Variants in HEPACAM observed in about 807,000 individuals in gnomAD.
HEPACAM encodes hepatocyte cell adhesion molecule.
In HEPACAM, 18 loss-of-function variants were observed where a neutral mutation model predicts 38.3. That is an observed-to-expected ratio of 0.47 (90% confidence interval 0.33 to 0.70). The LOEUF (loss-of-function observed/expected upper bound fraction) is 0.70. Ranked by LOEUF, HEPACAM falls within the 30% of genes least tolerant of loss-of-function variation. HEPACAM has a pLI of 0.03. For synonymous variants in HEPACAM, 216 were observed against 243.1 expected (o/e 0.89, Z 1.04); for missense variants, 466 against 563.0 (o/e 0.83, Z 1.74).
intron 1 of HEPACAM, among the ~76,000 whole-genome samples, chr11:124,925,365 T>G (rs1322995039): frequency 6.6e-6 from 1 of 152,236 alleles, no homozygotes; most frequent in Non-Finnish European, 1.5e-5. Context: ...CCACACCCTA[T>G]GCGCTCCATT....
chr11:124,919,724 G>C lies in HEPACAM; in HGVS notation c.*1414C>G. The C allele has an allele frequency of 6.2e-7, 1 of 1,610,226 alleles. No homozygotes were observed. On this transcript the variant is annotated 3_prime_UTR_variant, in exon 7 of 7. Coordinates refer to ENST00000298251, the MANE Select transcript of HEPACAM (RefSeq NM_152722.5). Reference sequence around the variant, plus strand: ...GAAATGTCAGTGCCTTTGGGGCTGAGACAAAACTTGACCTGGTGTGGAGGT... The same window carrying C: ...GAAATGTCAGTGCCTTTGGGGCTGACACAAAACTTGACCTGGTGTGGAGGT...
rs1487412086 is a variant in HEPACAM at position 124,927,182 on chromosome 11, A to G, written c.86-2113T>C. 1.6e-4 allele frequency among the ~76,000 whole-genome samples: 25 copies of G among 151,938 alleles called. 1 individual carries two copies. The South Asian group carries it at 4.0e-3, about 24-fold the overall frequency. On this transcript the variant is annotated intron_variant, in intron 1 of 6. Transcript: ENST00000298251. ...ACTGCGTGGTTACTAAACATATTAGATCCATTTTTGGAAAAAGTGCTTTGC... is the reference window on the plus strand; with the variant it reads ...ACTGCGTGGTTACTAAACATATTAGGTCCATTTTTGGAAAAAGTGCTTTGC...
rs1947172292 is a variant in HEPACAM, at chr11:124,923,857, A to C, written c.581T>G (p.Leu194Arg). The C allele has an allele frequency of 6.2e-7, 1 of 1,614,102 alleles. No individual in the cohort carries two copies. Among genetic ancestry groups the C allele is most frequent in the Non-Finnish European group, 8.5e-7 (1 of 1,180,032 alleles). Residue 194 changes from leucine (L) to arginine (R), a missense_variant, in exon 3 of 7, where the codon CTC (leucine) becomes CGC (arginine). By Grantham distance (102) the Leu-to-Arg change is moderately radical. Transcript: ENST00000298251. ...GAGCACCTTTTGGTCGGGGGACAGG[A>C]GCATTCTCGAGTCATTGAGGAGGGG... ...GKPLLNDSRM[L>R]LSPDQKVLTI...
intron 1 of HEPACAM, among the ~76,000 whole-genome samples, chr11:124,928,201 C>A (rs868774802): frequency 6.6e-6 from 1 of 152,180 alleles, no homozygotes; most frequent in Non-Finnish European, 1.5e-5. Context: ...ACTGGCTCTG[C>A]GCATCAGACT....
At position 124,924,988 on chromosome 11, in the gene HEPACAM, T is replaced by A. The variant is rs1199437129; in HGVS notation, c.167A>T (p.Gln56Leu). ...TVGKSALLSV[Q>L]YSSTSSDRPV... is the part of the protein sequence containing the mutation. ...CCTGTCGCTGCTGGTACTGCTGTAC[T>A]GCACAGAAAGCAGAGCCGACTTCCC... Residue 56 changes from glutamine (Q) to leucine (L), a missense_variant, in exon 2 of 7, where the codon CAG becomes CTG. Gln to Leu is a moderately radical substitution (Grantham distance 113). Transcript: ENST00000298251. This position sits in a 1 kb window ranked among gnomAD's most constrained non-coding sequence, Gnocchi z 4.4. The A allele has an allele frequency of 6.2e-7, 1 of 1,610,704 alleles. No individual in the cohort carries two copies. Among genetic ancestry groups the A allele is most frequent in the African/African-American group, 1.3e-5 (1 of 74,858 alleles).
chr11:124,935,819 C>A (rs144195196), intron 1 of HEPACAM, 103 bp downstream of exon 1: 85 of 909,978 alleles, frequency 9.3e-5, no homozygotes, highest in African/African-American at 5.1e-4. Flanking sequence ...AACTCTCCCC[C>A]ACTCCTGCCC....
In HEPACAM at chr11:124,921,807, G is replaced by C. The variant is rs1947142711; in HGVS notation, c.949-367C>G. On this transcript the variant is annotated intron_variant, in intron 6 of 6. Transcript: ENST00000298251. This position sits in a 1 kb window ranked among gnomAD's most constrained non-coding sequence, Gnocchi z 4.6. ...ACCTAGATCTGCCACTCATTGACTT[G>C]TTTAATCCTGAGCAAGTCATTTAAT... 6.6e-6 allele frequency among the ~76,000 whole-genome samples: 1 copy of C among 152,182 alleles called. No homozygotes were observed. The highest frequency in any genetic ancestry group is 6.5e-5 in the Admixed American group (1 of 15,286).
intron 4 of HEPACAM, 57 bp downstream of exon 4, chr11:124,923,283 G>A: frequency 9.0e-7 from 1 of 1,116,638 alleles, no homozygotes. Flanking sequence ...AGAAAATAAT[G>A]GGGCTTAGGT....
rs369377373 is a variant in HEPACAM at position 124,922,425 on chromosome 11, C to T, written c.911G>A (p.Arg304Gln). The T allele has an allele frequency of 1.2e-5, 19 of 1,614,036 alleles. No homozygotes were observed. The highest frequency in any genetic ancestry group is 3.3e-5 in the South Asian group (3 of 91,086). ...DTLPRSGEQERKNPMALYILK... is the reference protein window; with the variant it reads ...DTLPRSGEQEQKNPMALYILK... ...GATATAGAGTGCCATGGGGTTCTTC[C>T]GTTCCTGCTCACCACTTCGAGGGAG... Residue 304 changes from arginine to glutamine, a missense_variant, in exon 6 of 7, where the codon CGG becomes CAG. Arg to Gln is a conservative substitution (Grantham distance 43). Transcript: ENST00000298251.
At position 124,920,505 on chromosome 11, in the gene HEPACAM, C is replaced by A; in HGVS notation, c.*633G>T. On this transcript the variant is annotated 3_prime_UTR_variant, in exon 7 of 7. Coordinates refer to ENST00000298251, the MANE Select transcript of HEPACAM (RefSeq NM_152722.5). ...GAGGGAAAAGGAATGTACTCGTACC[C>A]TTCCCTCACCACCTTGTAGGTCCCC... 6.8e-7 allele frequency: 1 copy of A among 1,481,480 alleles called. No homozygotes were observed. The highest frequency in any genetic ancestry group is 9.0e-7 in the Non-Finnish European group (1 of 1,105,254). 91.8% of individuals were successfully genotyped at this position (1,481,480 alleles called of 1,614,324 possible).
Position 124,924,067 on chromosome 11 carries a change from C to T in HEPACAM, c.428-57G>A. On this transcript the variant is annotated intron_variant, in intron 2 of 6. Transcript: ENST00000298251. This position sits in a 1 kb window ranked among gnomAD's most constrained non-coding sequence, Gnocchi z 4.4. ...CATTGGCTAAGAAGTGTCTCCCTTCCCCTTTTTAGCTCCCTGCCTTCCAAC... is the reference window on the plus strand; with the variant it reads ...CATTGGCTAAGAAGTGTCTCCCTTCTCCTTTTTAGCTCCCTGCCTTCCAAC... 1 of 1,516,552 alleles carries T rather than the reference C, an allele frequency of 6.6e-7. No individual in the cohort carries two copies. Among genetic ancestry groups the T allele is most frequent in the South Asian group, 1.2e-5 (1 of 84,232 alleles). The allele number at this position is 1,516,552 out of a possible 1,614,324, so 93.9% of individuals were successfully genotyped here.
At position 124,925,038 on chromosome 11, in the gene HEPACAM, G is replaced by A. The variant is rs202021854; in HGVS notation, c.117C>T (p.Pro39=). 1.2e-4 allele frequency: 197 copies of A among 1,600,760 alleles called. 1 individual carries two copies. Among genetic ancestry groups the A allele is most frequent in the Admixed American group, 1.1e-3 (67 of 59,576 alleles). ...DPLEGVNITS[P]VRLIHGTVGK... is the part of the protein sequence containing the mutation. ...CCACGGTGCCATGGATCAGGCGCAC[G>A]GGGCTGGTGATGTTCACCCCCTCCA... is the stretch of plus-strand genomic sequence containing the variant. Residue 39 remains proline (P), a synonymous_variant, in exon 2 of 7, where the codon CCC becomes CCT. Coordinates refer to ENST00000298251, the MANE Select transcript of HEPACAM (RefSeq NM_152722.5).
At chr11:124,928,876 T>C (rs1947250186) in intron 1 of HEPACAM, among the ~76,000 whole-genome samples, 1 of 152,246 alleles carries the variant, frequency 6.6e-6, no homozygotes, top group Non-Finnish European at 1.5e-5. Flanking sequence ...CTTGGGCACA[T>C]GTCATCAGGA....
chr11:124,925,856 T>C (rs1371450093), intron 1 of HEPACAM, among the ~76,000 whole-genome samples: 1 of 152,196 alleles, frequency 6.6e-6, no homozygotes, highest in Non-Finnish European at 1.5e-5. Flanking sequence ...CTCTACCTCT[T>C]ACTGGCTATG....
Position 124,921,547 on chromosome 11 carries a change from C to G in HEPACAM, c.949-107G>C, listed in dbSNP as rs116386538. ...CCGAGGGGAGGGACCTAGTTTCCCTCTGCACGCCCACCTCCTGGAAGGCTG... is the reference window on the plus strand; with the variant it reads ...CCGAGGGGAGGGACCTAGTTTCCCTGTGCACGCCCACCTCCTGGAAGGCTG... On this transcript the variant is annotated intron_variant, in intron 6 of 6. Transcript: ENST00000298251. The surrounding 1 kb of genome is among the most constrained non-coding windows in gnomAD (Gnocchi z 4.6). 1.5e-6 allele frequency: 1 copy of G among 669,294 alleles called. No homozygotes were observed. The highest frequency in any genetic ancestry group is 2.1e-6 in the Non-Finnish European group (1 of 475,630). 41.5% of individuals were successfully genotyped at this position (669,294 alleles called of 1,614,324 possible).
At position 124,925,049 on chromosome 11, in the gene HEPACAM, T is replaced by C. The variant is rs747252599; in HGVS notation, c.106A>G (p.Ile36Val). ...IQTDPLEGVNITSPVRLIHGT... is the reference protein window; with the variant it reads ...IQTDPLEGVNVTSPVRLIHGT... ...TGGATCAGGCGCACGGGGCTGGTGATGTTCACCCCCTCCAGGGGGTCTGTG... is the reference window on the plus strand; with the variant it reads ...TGGATCAGGCGCACGGGGCTGGTGACGTTCACCCCCTCCAGGGGGTCTGTG... Residue 36 changes from isoleucine to valine, a missense_variant, in exon 2 of 7, where the codon ATC becomes GTC. By Grantham distance (29) the Ile-to-Val change is conservative. Transcript: ENST00000298251. 7 of 1,596,754 alleles carry C rather than the reference T, an allele frequency of 4.4e-6. No homozygotes were observed. Among genetic ancestry groups the C allele is most frequent in the Non-Finnish European group, 5.1e-6 (6 of 1,169,122 alleles).
At chr11:124,926,988 C>A (rs1947220336) in intron 1 of HEPACAM, among the ~76,000 whole-genome samples, 2 of 152,142 alleles carry the variant, frequency 1.3e-5, no homozygotes, top group African/African-American at 4.8e-5. Context: ...CCTGCCTCAG[C>A]CTCCTCAGTA....
At chr11:124,928,526 G>A (rs1343418544) in intron 1 of HEPACAM, among the ~76,000 whole-genome samples, 1 of 152,108 alleles carries the variant, frequency 6.6e-6, no homozygotes. Context: ...AAATTGGTAT[G>A]TGAAAGGAAA....
rs1565336012 is a variant in HEPACAM at position 124,919,917 on chromosome 11, C to T, written c.*1221G>A. On this transcript the variant is annotated 3_prime_UTR_variant, in exon 7 of 7. Transcript: ENST00000298251. ...TTTTTAATTGCCCTCTCTCCTCACA[C>T]AGTAGATTACTGCCACTCCTATGAA... 2 of 1,614,070 alleles carry T rather than the reference C, an allele frequency of 1.2e-6. No individual in the cohort carries two copies. Among genetic ancestry groups the T allele is most frequent in the Non-Finnish European group, 1.7e-6 (2 of 1,180,028 alleles).
Sources: allele counts gnomAD v4.1 joint callset (sites outside exome capture counted in the v4.1 genomes callset), GRCh38; gene constraint gnomAD v4.1.1; non-coding constraint Gnocchi (gnomAD v3.1); transcripts MANE v1.5; gene names NCBI Gene and HGNC (gene_info 2026-07-23, HGNC 2026-07-21).